Variants in C1QTNF8 observed in about 807,000 individuals in gnomAD.
C1QTNF8 encodes C1q and TNF related 8.
C1QTNF8 carries 27 observed loss-of-function variants against 19.2 expected under a neutral mutation model. The observed-to-expected ratio is 1.41, with a 90% CI of 1.04 to 1.94. The LOEUF (loss-of-function observed/expected upper bound fraction) is 1.94, where lower values mean the gene tolerates loss of function less well. Among genes scored for constraint, C1QTNF8 ranks in the 30% most tolerant of loss-of-function variants. C1QTNF8 has a pLI of 0.00. For missense variants in C1QTNF8, 484 were observed against 374.4 expected, an observed-to-expected ratio of 1.29 and a Z score of -2.42; for synonymous variants, 208 against 172.8, an observed-to-expected ratio of 1.20 and a Z score of -1.60.
Position 1,088,648 on chromosome 16 carries a change from C to T in C1QTNF8, c.*1951G>A, listed in dbSNP as rs572538253. Among the ~76,000 whole-genome samples the T allele has an allele frequency of 8.4e-4, 128 of 152,252 alleles. No homozygotes were observed. Among genetic ancestry groups the T allele is most frequent in the Middle Eastern group, 3.4e-3 (1 of 294 alleles). ...TAAACAAATAAACCTGGAAGGTTGG[C>T]GGGATGCAGGTCCTGCTGTCTGAGG... On this transcript the variant is annotated 3_prime_UTR_variant, in exon 5 of 5. Transcript: ENST00000328449.
At position 1,093,887 on chromosome 16, in the gene C1QTNF8, C is replaced by G; in HGVS notation, c.373G>C (p.Glu125Gln). 2 of 1,568,924 alleles carry G rather than the reference C, an allele frequency of 1.3e-6. No individual in the cohort carries two copies. Among genetic ancestry groups the G allele is most frequent in the Non-Finnish European group, 1.7e-6 (2 of 1,165,980 alleles). The change falls in exon 4 of 5, where the codon GAG becomes CAG. Residue 125 changes from glutamate to glutamine, a missense_variant. Glu to Gln is a conservative substitution (Grantham distance 29, BLOSUM62 2). Coordinates refer to ENST00000328449, the MANE Select transcript of C1QTNF8 (RefSeq NM_207419.3). The stretch of plus-strand genomic sequence containing the variant: ...AAGTGGTCGGAGCTGTGCAGGCCCT[C>G]GCGCCGGCCCACGGAGAAGGCGGCG... ...AYAAFSVGRR[E>Q]GLHSSDHFQA...
chr16:1,091,886 G>C (rs1052288015), intron 4 of C1QTNF8, among the ~76,000 whole-genome samples: 5 of 150,824 alleles, frequency 3.3e-5, no homozygotes, highest in African/African-American at 9.9e-5. Flanking sequence ...ACACCGCCTG[G>C]AAGTGACCGT....
rs944979797 is a variant in C1QTNF8, at chr16:1,089,512, C to G, written c.*1087G>C. ...CCCCGACAGAGGCCTTTGCGCACCCCCTGCTGCACGGGAAGCTGAGGCGAC... is the reference window on the plus strand; with the variant it reads ...CCCCGACAGAGGCCTTTGCGCACCCGCTGCTGCACGGGAAGCTGAGGCGAC... On this transcript the variant is annotated 3_prime_UTR_variant, in exon 5 of 5. Coordinates refer to ENST00000328449, the MANE Select transcript of C1QTNF8 (RefSeq NM_207419.3). 6.6e-6 allele frequency among the ~76,000 whole-genome samples: 1 copy of G among 152,232 alleles called. No individual in the cohort carries two copies. The highest frequency in any genetic ancestry group is 1.9e-4 in the East Asian group (1 of 5,196).
At chr16:1,091,938 C>A (rs529044592) in intron 4 of C1QTNF8, among the ~76,000 whole-genome samples, 129 of 152,338 alleles carry the variant, frequency 8.5e-4, no homozygotes, top group African/African-American at 2.9e-3. Flanking sequence ...CCATCCACAC[C>A]GGGCAGGTGC....
intron 3 of C1QTNF8, among the ~76,000 whole-genome samples, chr16:1,094,382 G>A (rs1179190122): frequency 2.0e-5 from 3 of 152,150 alleles, no homozygotes; most frequent in African/African-American, 2.4e-5. Context: ...TACAGCCTTC[G>A]GGACAGCGCA....
In C1QTNF8 at chr16:1,094,018, G is replaced by A; in HGVS notation, c.242C>T (p.Ala81Val). The change falls in exon 4 of 5, where the codon GCC (alanine) becomes GTC (valine). Residue 81 changes from alanine to valine, a missense_variant. Transcript: ENST00000328449. Reference sequence around the variant, plus strand: ...CGGCCCCTCTTTCCCGCTCCTGCCGGCCCGACCTCGGACGCCGGCCTCACC... The same window carrying A: ...CGGCCCCTCTTTCCCGCTCCTGCCGACCCGACCTCGGACGCCGGCCTCACC... ...EKGEAGVRGRAGRSGKEGPPG... is the reference protein window; with the variant it reads ...EKGEAGVRGRVGRSGKEGPPG... The A allele has an allele frequency of 1.3e-6, 2 of 1,482,274 alleles. No individual in the cohort carries two copies. The highest frequency in any genetic ancestry group is 2.6e-5 in the Admixed American group (1 of 39,160). 91.8% of individuals were successfully genotyped at this position (1,482,274 alleles called of 1,614,324 possible). A position where few individuals can be genotyped will look rare whatever the true frequency, so the allele number is the denominator to read the frequency against.
Position 1,088,580 on chromosome 16 carries a change from T to A in C1QTNF8, c.*2019A>T, listed in dbSNP as rs536607476. Among the ~76,000 whole-genome samples the A allele has an allele frequency of 6.6e-6, 1 of 152,334 alleles. No homozygotes were observed. ...GCTTTTATCACTTGGCAGAGAATCG[T>A]GACCGTATCTTATCTCACTTTCAGT... On this transcript the variant is annotated 3_prime_UTR_variant, in exon 5 of 5. Transcript: ENST00000328449.
chr16:1,095,048 G>T, intron 2 of C1QTNF8, 115 bp from the exon 3 acceptor site: 1 of 448,486 alleles, frequency 2.2e-6, no homozygotes, highest in Non-Finnish European at 3.7e-6. Flanking sequence ...GGAGGCGGGA[G>T]CTTCTGCCTG....
At position 1,090,528 on chromosome 16, in the gene C1QTNF8, G is replaced by C. The variant is rs1960523637; in HGVS notation, c.*71C>G. On this transcript the variant is annotated 3_prime_UTR_variant, in exon 5 of 5. Coordinates refer to ENST00000328449, the MANE Select transcript of C1QTNF8 (RefSeq NM_207419.3). ...GGGCACCCTCTGTCCCAGGACAGGA[G>C]TGAGGCGAAGTGGAGAGGCGGGCGC... The C allele has an allele frequency of 2.6e-5, 4 of 152,406 alleles. No individual in the cohort carries two copies. Among genetic ancestry groups the C allele is most frequent in the African/African-American group, 7.2e-5 (3 of 41,458 alleles). The allele number at this position is 152,406 out of a possible 1,614,324, so 9.4% of individuals were successfully genotyped here.
rs575918733 is a variant in C1QTNF8 at position 1,088,301 on chromosome 16, C to T, written c.*2298G>A. On this transcript the variant is annotated 3_prime_UTR_variant, in exon 5 of 5. Coordinates refer to ENST00000328449, the MANE Select transcript of C1QTNF8 (RefSeq NM_207419.3). Reference sequence around the variant, plus strand: ...CATGGGATAAGCTGCCTCCCCAGCCCGATGCTTGCCTGGAATGTCACAGGG... The same window carrying T: ...CATGGGATAAGCTGCCTCCCCAGCCTGATGCTTGCCTGGAATGTCACAGGG... Among the ~76,000 whole-genome samples the T allele has an allele frequency of 9.6e-4, 146 of 152,354 alleles. No individual in the cohort carries two copies. Among genetic ancestry groups the T allele is most frequent in the African/African-American group, 1.6e-3 (68 of 41,590 alleles).
intron 4 of C1QTNF8, among the ~76,000 whole-genome samples, chr16:1,091,480 G>A (rs764305956): frequency 6.6e-6 from 1 of 152,124 alleles, no homozygotes; most frequent in Non-Finnish European, 1.5e-5. Flanking sequence ...CACGTGGCTG[G>A]GAGAGCTTCC....
At chr16:1,095,358 TG>T (rs34161192) in intron 2 of C1QTNF8, among the ~76,000 whole-genome samples, 3 of 152,000 alleles carry the variant, frequency 2.0e-5, no homozygotes, top group African/African-American at 7.2e-5. Flanking sequence ...TGGCCTGGGG[TG>T]GGGGGCCCTG....
Position 1,095,650 on chromosome 16 carries a change from C to G in C1QTNF8, c.-47G>C, listed in dbSNP as rs2151568445. 1 of 152,382 alleles carries G rather than the reference C, an allele frequency of 6.6e-6. No homozygotes were observed. Among genetic ancestry groups the G allele is most frequent in the African/African-American group, 2.4e-5 (1 of 41,568 alleles). The allele number at this position is 152,382 out of a possible 1,614,324, so 9.4% of individuals were successfully genotyped here. On this transcript the variant is annotated 5_prime_UTR_variant, in exon 2 of 5. Transcript: ENST00000328449. ...TCACAGCCACATCTGGAGGCTTGGC[C>G]AGGAGTGTCTTCCGCTAGGGCAGGT... is the stretch of plus-strand genomic sequence containing the variant.
chr16:1,092,419 G>C (rs1043267018), intron 4 of C1QTNF8, among the ~76,000 whole-genome samples: 30 of 149,726 alleles, frequency 2.0e-4, no homozygotes, highest in Non-Finnish European at 1.5e-5. Context: ...ATCAATCACT[G>C]CACACAGTCG....
intron 4 of C1QTNF8, 31 bp downstream of exon 4, chr16:1,093,466 G>GCGCC: frequency 7.4e-7 from 1 of 1,356,896 alleles, no homozygotes; most frequent in Non-Finnish European, 9.6e-7. Flanking sequence ...ACGCGCGCGC[G>GCGCC]CGCCCGGTGC....
At chr16:1,096,045 T>A (rs963007129) in intron 1 of C1QTNF8, 111 bp downstream of exon 1, 6 of 152,390 alleles carry the variant, frequency 3.9e-5, no homozygotes, top group Non-Finnish European at 1.5e-5. Flanking sequence ...GGCTGGATCA[T>A]GCTCCGCTGG....
intron 4 of C1QTNF8, among the ~76,000 whole-genome samples, chr16:1,093,157 G>A (rs71380233): frequency 0.022 from 3,047 of 140,332 alleles, 140 homozygotes; most frequent in Non-Finnish European, 0.035. Context: ...GCACACAGTC[G>A]GCGCTCAATC....
In C1QTNF8 at chr16:1,093,769, T is replaced by C. The variant is rs746468611; in HGVS notation, c.491A>G (p.Tyr164Cys). Residue 164 changes from tyrosine to cysteine, a missense_variant, in exon 4 of 5, where the codon TAC (tyrosine) becomes TGC (cysteine). By Grantham distance (194) the Tyr-to-Cys change is radical (BLOSUM62 -2). Coordinates refer to ENST00000328449, the MANE Select transcript of C1QTNF8 (RefSeq NM_207419.3). ...GGTGTGCACGTTGAGGCTGAGGAAGTAGACGCCGGGCACCGTGCAGAGGAA... is the reference window on the plus strand; with the variant it reads ...GGTGTGCACGTTGAGGCTGAGGAAGCAGACGCCGGGCACCGTGCAGAGGAA... ...GRFLCTVPGV[Y>C]FLSLNVHTWN... The C allele has an allele frequency of 7.4e-6, 12 of 1,611,986 alleles. No individual in the cohort carries two copies. The East Asian group carries it at 2.5e-4, about 33-fold the overall frequency.
In C1QTNF8 at chr16:1,089,795, G is replaced by A. The variant is rs1351783749; in HGVS notation, c.*804C>T. ...TGTCCCGGTCGGGGTGGGAGGCCTGGGGTCTGCCAATCTCCCCTCGGCCCA... is the reference window on the plus strand; with the variant it reads ...TGTCCCGGTCGGGGTGGGAGGCCTGAGGTCTGCCAATCTCCCCTCGGCCCA... On this transcript the variant is annotated 3_prime_UTR_variant, in exon 5 of 5. Transcript: ENST00000328449. 6.6e-6 allele frequency among the ~76,000 whole-genome samples: 1 copy of A among 152,184 alleles called. No individual in the cohort carries two copies. Among genetic ancestry groups the A allele is most frequent in the Non-Finnish European group, 1.5e-5 (1 of 68,018 alleles).
Sources: gnomAD v4.1 joint callset for allele counts (sites outside exome capture counted in the v4.1 genomes callset) on GRCh38, gnomAD v4.1.1 for gene constraint, MANE v1.5 for transcripts, NCBI Gene and HGNC (gene_info 2026-07-23, HGNC 2026-07-21) for gene names.